The following CDH23 variants were observed in gnomAD, a reference collection of about 807,000 sequenced individuals.
CDH23 encodes cadherin related 23.
CDH23 carries 189 observed loss-of-function variants against 317.1 expected under a neutral mutation model. The ratio of observed to expected loss-of-function variants is 0.60; its 90% CI spans 0.53 to 0.67. The LOEUF (loss-of-function observed/expected upper bound fraction) is 0.67. CDH23 is among the 30% of genes least tolerant of loss of function. CDH23 has a pLI of 0.00. For synonymous variants in CDH23, 1,839 were observed against 1,876.8 expected (o/e 0.98, Z 0.52); for missense variants, 4,401 against 4,592.4 (o/e 0.96, Z 1.20).
chr10:71,642,565 A>AT (rs1295595780), intron 11 of CDH23, among the ~76,000 whole-genome samples: 2 of 151,452 alleles, frequency 1.3e-5, no homozygotes, highest in Admixed American at 1.3e-4. Flanking sequence ...TGCCCAGCTA[A>AT]TTTTTTTGTA....
chr10:71,476,785 A>AC (rs1851815502), intron 3 of CDH23, among the ~76,000 whole-genome samples: 1 of 151,986 alleles, frequency 6.6e-6, no homozygotes, highest in African/African-American at 2.4e-5. Flanking sequence ...ACTTCAAAGC[A>AC]CCCCCTTTGG....
In CDH23 at chr10:71,791,268, C is replaced by A; in HGVS notation, c.6186C>A (p.Asp2062Glu). The A allele has an allele frequency of 6.2e-7, 1 of 1,613,944 alleles. No homozygotes were observed. Among genetic ancestry groups the A allele is most frequent in the Non-Finnish European group, 8.5e-7 (1 of 1,179,878 alleles). Reference sequence around the variant, plus strand: ...ACCTGCTCATCACCATCCTGGATGACAATGACAACCGGCCCACCTTTAGCC... The same window carrying A: ...ACCTGCTCATCACCATCCTGGATGAAAATGACAACCGGCCCACCTTTAGCC... ...TAHLLITILD[D>E]NDNRPTFSPA... Residue 2062 changes from aspartate to glutamate, a missense_variant, in exon 47 of 70, where the codon GAC (aspartate) becomes GAA (glutamate). Coordinates refer to ENST00000224721, the MANE Select transcript of CDH23 (RefSeq NM_022124.6).
At chr10:71,518,984 A>C (rs1854498576) in intron 6 of CDH23, among the ~76,000 whole-genome samples, 1 of 152,246 alleles carries the variant, frequency 6.6e-6, no homozygotes, top group East Asian at 1.9e-4. Context: ...CAGCACCACG[A>C]AAGAGGACAG....
chr10:71,594,535 G>A (rs979414841), intron 9 of CDH23, among the ~76,000 whole-genome samples: 5 of 152,088 alleles, frequency 3.3e-5, no homozygotes, highest in African/African-American at 1.2e-4. Flanking sequence ...CACCACACCT[G>A]GCTAATTTTT....
intron 27 of CDH23, chr10:71,712,341 T>C: frequency 3.9e-6 from 1 of 259,444 alleles, no homozygotes; most frequent in South Asian, 9.4e-5. Context: ...TGGGTCTGTT[T>C]TTTTTGGGAG....
intron 11 of CDH23, among the ~76,000 whole-genome samples, chr10:71,630,503 G>A (rs1243738360): frequency 1.3e-5 from 2 of 152,210 alleles, no homozygotes; most frequent in East Asian, 1.9e-4. Flanking sequence ...CCAATATGGG[G>A]AGGGGAGGAA....
intron 14 of CDH23, among the ~76,000 whole-genome samples, chr10:71,647,393 G>A (rs1181736437): frequency 6.6e-6 from 1 of 152,110 alleles, no homozygotes; most frequent in African/African-American, 2.4e-5. Flanking sequence ...AACCCAGGAG[G>A]CGGAGGTTGC....
intron 11 of CDH23, among the ~76,000 whole-genome samples, chr10:71,638,835 G>A (rs1267496603): frequency 6.6e-6 from 1 of 152,208 alleles, no homozygotes; most frequent in Admixed American, 6.5e-5. Context: ...GGGAGCAGTG[G>A]CTCATCTGAC....
intron 3 of CDH23, among the ~76,000 whole-genome samples, chr10:71,460,922 C>A (rs980806895): frequency 6.6e-6 from 1 of 152,204 alleles, no homozygotes; most frequent in African/African-American, 2.4e-5. Context: ...CACCTGTCTC[C>A]CCGACGAGTA....
chr10:71,526,473 A>G (rs1288316820), intron 6 of CDH23, among the ~76,000 whole-genome samples: 1 of 152,208 alleles, frequency 6.6e-6, no homozygotes, highest in African/African-American at 2.4e-5. Flanking sequence ...GGCTGCCTGA[A>G]GTTAGGGGCA....
At chr10:71,405,694 TC>T (rs1848065811) in intron 1 of CDH23, among the ~76,000 whole-genome samples, 1 of 152,178 alleles carries the variant, frequency 6.6e-6, no homozygotes, top group African/African-American at 2.4e-5. Context: ...TGCCTTGGCC[TC>T]CCAAAGTGCT....
intron 22 of CDH23, among the ~76,000 whole-genome samples, chr10:71,698,662 C>A (rs1169564833): frequency 6.6e-6 from 1 of 152,212 alleles, no homozygotes; most frequent in Non-Finnish European, 1.5e-5. Flanking sequence ...TCATAGGTAG[C>A]TCATTCTGTT....
At chr10:71,536,966 G>C (rs1855739242) in intron 6 of CDH23, among the ~76,000 whole-genome samples, 1 of 152,102 alleles carries the variant, frequency 6.6e-6, no homozygotes, top group African/African-American at 2.4e-5. Flanking sequence ...TGGAATGAGA[G>C]GCAGAACCAT....
At chr10:71,780,639 A>G (rs1840927663) in intron 41 of CDH23, among the ~76,000 whole-genome samples, 1 of 152,182 alleles carries the variant, frequency 6.6e-6, no homozygotes, top group Non-Finnish European at 1.5e-5. Flanking sequence ...CTTGAGGGGC[A>G]TCATGAGGGC....
At chr10:71,612,405 G>A (rs1373704093) in intron 9 of CDH23, among the ~76,000 whole-genome samples, 1 of 152,142 alleles carries the variant, frequency 6.6e-6, no homozygotes, top group African/African-American at 2.4e-5. Flanking sequence ...TACGTGAACG[G>A]GGCATAGGAG....
chr10:71,803,767 C>T (rs975222721), intron 55 of CDH23, among the ~76,000 whole-genome samples: 4 of 133,468 alleles, frequency 3.0e-5, no homozygotes, highest in African/African-American at 1.2e-4. Context: ...GTCAGGAGTT[C>T]GAGACCAGCC....
At position 71,738,562 on chromosome 10, in the gene CDH23, C is replaced by T. The variant is rs753568239; in HGVS notation, c.4274C>T (p.Ala1425Val). 93 of 1,613,816 alleles carry T rather than the reference C, an allele frequency of 5.8e-5. No homozygotes were observed. Among genetic ancestry groups the T allele is most frequent in the African/African-American group, 2.4e-4 (18 of 74,944 alleles). ...SPRFDFTSDS[A>V]VSIPEDCPVG... ...CGGTTTGACTTCACCTCCGACTCGG[C>T]GGTCAGCATACCCGAGGACTGCCCT... The change falls in exon 35 of 70, where the codon GCG becomes GTG. Residue 1425 changes from alanine to valine, a missense_variant. Ala to Val is a moderately conservative substitution (Grantham distance 64, BLOSUM62 0). Coordinates refer to ENST00000224721, the MANE Select transcript of CDH23 (RefSeq NM_022124.6).
rs1865885471 is a variant in CDH23 at position 71,709,116 on chromosome 10, A to G, written c.3125A>G (p.Lys1042Arg). 2 of 1,613,874 alleles carry G rather than the reference A, an allele frequency of 1.2e-6. No homozygotes were observed. Among genetic ancestry groups the G allele is most frequent in the East Asian group, 4.5e-5 (2 of 44,878 alleles). ...YFITGGNVDG[K>R]FSVGYRDAVV... is the part of the protein sequence containing the mutation. ...CCCACAGGTGGCAACGTGGATGGGA[A>G]GTTCAGCGTGGGTTACCGCGATGCC... The change falls in exon 27 of 70, where the codon AAG becomes AGG. Residue 1042 changes from lysine (K) to arginine (R), a missense_variant. This residue lies in a region of CDH23 where 3,068 missense variants were observed against 3,203.3 expected (regional missense o/e 0.96). Coordinates refer to ENST00000224721, the MANE Select transcript of CDH23 (RefSeq NM_022124.6).
chr10:71,811,470 C>G (rs1841922909), intron 63 of CDH23, 35 bp downstream of exon 63: 2 of 1,614,000 alleles, frequency 1.2e-6, no homozygotes, highest in Middle Eastern at 1.6e-4. Context: ...CCCTAGCCGC[C>G]CTCCCCACTG....
Sources: allele counts gnomAD v4.1 joint callset (sites outside exome capture counted in the v4.1 genomes callset), GRCh38; gene constraint gnomAD v4.1.1; regional missense constraint gnomAD v4.1.1; transcripts MANE v1.5; gene names NCBI Gene and HGNC (gene_info 2026-07-23, HGNC 2026-07-21).